Variants in SLC4A4 observed in about 807,000 individuals in gnomAD.
The protein encoded by SLC4A4 is electrogenic sodium bicarbonate cotransporter 1.
SLC4A4 carries 27 observed loss-of-function variants against 111.5 expected under a neutral mutation model. The observed-to-expected ratio is 0.24, with a 90% CI of 0.18 to 0.33. The LOEUF (loss-of-function observed/expected upper bound fraction) is 0.33. Among genes scored for constraint, SLC4A4 ranks in the 10% least tolerant of loss-of-function variants. The pLI is 1.00. For synonymous variants in SLC4A4, 443 were observed against 463.4 expected (o/e 0.96, Z 0.57); for missense variants, 909 against 1,315.5 (o/e 0.69, Z 4.78).
chr4:71,212,715 GGTTTA>G (rs1185321738), intron 1 of SLC4A4, among the ~76,000 whole-genome samples: 1 of 152,212 alleles, frequency 6.6e-6, no homozygotes, highest in East Asian at 1.9e-4. Flanking sequence ...TAGGGTAGCA[GGTTTA>G]GTTTTGGGTA....
intron 1 of SLC4A4, among the ~76,000 whole-genome samples, chr4:71,197,453 A>G (rs989225977): frequency 6.6e-6 from 1 of 152,170 alleles, no homozygotes; most frequent in African/African-American, 2.4e-5. Context: ...GAGTTGGATA[A>G]ATTTTACTTA....
At chr4:71,095,852 A>T (rs1033501925) in intron 2 of SLC4A4, among the ~76,000 whole-genome samples, 7 of 152,248 alleles carry the variant, frequency 4.6e-5, no homozygotes, top group African/African-American at 1.7e-4. Flanking sequence ...GGTCAGAGAA[A>T]GTCTCTCTGG....
At chr4:71,454,495 C>A (rs1196598569) in intron 12 of SLC4A4, among the ~76,000 whole-genome samples, 1 of 151,960 alleles carries the variant, frequency 6.6e-6, no homozygotes, top group Non-Finnish European at 1.5e-5. Flanking sequence ...TTCCACTTTA[C>A]TATATATTAT....
At chr4:71,162,718 T>G (rs1744644473) in intron 2 of SLC4A4, among the ~76,000 whole-genome samples, 1 of 152,180 alleles carries the variant, frequency 6.6e-6, no homozygotes, top group South Asian at 2.1e-4. Flanking sequence ...TGGGTCTAGG[T>G]GTATTAAAAC....
At chr4:71,486,178 T>G (rs1339737954) in intron 14 of SLC4A4, among the ~76,000 whole-genome samples, 1 of 151,556 alleles carries the variant, frequency 6.6e-6, no homozygotes, top group Non-Finnish European at 1.5e-5. Context: ...TAATAGTTTA[T>G]TTTATAATAC....
At chr4:71,402,735 C>T (rs937055956) in intron 7 of SLC4A4, among the ~76,000 whole-genome samples, 2 of 152,204 alleles carry the variant, frequency 1.3e-5, no homozygotes, top group East Asian at 3.9e-4. Flanking sequence ...ATCTCTCTGG[C>T]TCAGCACCTA....
intron 10 of SLC4A4, among the ~76,000 whole-genome samples, chr4:71,450,762 T>C (rs1343133680): frequency 6.6e-6 from 1 of 152,228 alleles, no homozygotes; most frequent in Non-Finnish European, 1.5e-5. Flanking sequence ...TCAGTTATTA[T>C]AAATTGGAGA....
chr4:71,424,305 C>T (rs1722872077), intron 7 of SLC4A4, among the ~76,000 whole-genome samples: 1 of 151,994 alleles, frequency 6.6e-6, no homozygotes, highest in African/African-American at 2.4e-5. Flanking sequence ...CATCTCACAC[C>T]AGTTTGAATG....
intron 3 of SLC4A4, among the ~76,000 whole-genome samples, chr4:71,260,527 T>C (rs1397683744): frequency 6.6e-6 from 1 of 152,204 alleles, no homozygotes; most frequent in Non-Finnish European, 1.5e-5. Flanking sequence ...AACTATACCA[T>C]CTCTTTCATC....
intron 2 of SLC4A4, among the ~76,000 whole-genome samples, chr4:71,156,588 G>GCGCGCGCGCACACACACA (rs376043069): frequency 2.9e-5 from 4 of 138,510 alleles, no homozygotes; most frequent in Non-Finnish European, 4.6e-5. Context: ...GCGCGCGCGC[G>GCGCGCGCGCACACACACA]CACACACACA....
At chr4:71,328,606 A>G (rs544190243) in intron 3 of SLC4A4, among the ~76,000 whole-genome samples, 4 of 152,026 alleles carry the variant, frequency 2.6e-5, no homozygotes, top group African/African-American at 9.6e-5. Flanking sequence ...CCTGTTTCTT[A>G]GTTGTATGTC....
intron 2 of SLC4A4, among the ~76,000 whole-genome samples, chr4:71,176,662 A>G (rs1745104578): frequency 6.6e-6 from 1 of 152,238 alleles, no homozygotes; most frequent in Non-Finnish European, 1.5e-5. Flanking sequence ...AAAGCCTCCA[A>G]GAAATATGGG....
chr4:71,177,654 T>C (rs1350583910), intron 2 of SLC4A4, among the ~76,000 whole-genome samples: 11 of 152,274 alleles, frequency 7.2e-5, no homozygotes, highest in Non-Finnish European at 1.2e-4. Flanking sequence ...ATGCACCCAA[T>C]ACAGGAGCAC....
intron 2 of SLC4A4, among the ~76,000 whole-genome samples, chr4:71,167,178 T>C (rs1315045728): frequency 6.6e-6 from 1 of 152,082 alleles, no homozygotes; most frequent in African/African-American, 2.4e-5. Flanking sequence ...TGTGCCTGTG[T>C]TGGGAAGACT....
chr4:71,410,482 G>T lies in SLC4A4; in HGVS notation c.807+12829G>T, dbSNP rs182666995. Among the ~76,000 whole-genome samples the T allele has an allele frequency of 3.9e-5, 6 of 152,206 alleles. No homozygotes were observed. In the East Asian group the frequency reaches 9.7e-4, roughly 24 times the overall value. On this transcript the variant is annotated intron_variant, in intron 7 of 25. Coordinates refer to ENST00000264485, the MANE Select transcript of SLC4A4 (RefSeq NM_001098484.3). Reference sequence around the variant, plus strand: ...TTGACCCTGTAACCCCTTTGTTTTGGCCAATTTCTCCCATTTGGAACAGCT... The same window carrying T: ...TTGACCCTGTAACCCCTTTGTTTTGTCCAATTTCTCCCATTTGGAACAGCT...
intron 1 of SLC4A4, among the ~76,000 whole-genome samples, chr4:71,087,620 G>A (rs567984907): frequency 2.0e-5 from 3 of 152,000 alleles, no homozygotes; most frequent in Non-Finnish European, 4.4e-5. Context: ...GTTCTCATTG[G>A]TTTCAAAGAA....
chr4:71,396,505 G>T (rs542758121), intron 6 of SLC4A4, among the ~76,000 whole-genome samples: 2 of 152,100 alleles, frequency 1.3e-5, no homozygotes, highest in South Asian at 4.1e-4. Flanking sequence ...TTAGAACTTC[G>T]GTGCTTCTTT....
At chr4:71,413,422 A>G (rs1174246697) in intron 7 of SLC4A4, among the ~76,000 whole-genome samples, 1 of 152,174 alleles carries the variant, frequency 6.6e-6, no homozygotes, top group African/African-American at 2.4e-5. Context: ...TGGATGTTTT[A>G]TTGACAATTT....
intron 1 of SLC4A4, among the ~76,000 whole-genome samples, chr4:71,196,750 C>T (rs1746019439): frequency 1.4e-5 from 2 of 138,490 alleles, no homozygotes; most frequent in African/African-American, 5.4e-5. Context: ...AGGAGAATCG[C>T]TGGAACCTGG....
Sources: gnomAD v4.1 joint callset for allele counts (sites outside exome capture counted in the v4.1 genomes callset) on GRCh38, gnomAD v4.1.1 for gene constraint, MANE v1.5 for transcripts, NCBI Gene and HGNC (gene_info 2026-07-23, HGNC 2026-07-21) for gene names.